CACNA1C: variants seen among roughly 807,000 people sequenced by gnomAD.
CACNA1C encodes the protein calcium voltage-gated channel subunit alpha1 C, also known as voltage-dependent L-type calcium channel subunit alpha-1C.
In CACNA1C, 30 loss-of-function variants were observed where a neutral mutation model predicts 229.0. The ratio of observed to expected loss-of-function variants is 0.13; its 90% confidence interval spans 0.10 to 0.18. The LOEUF (loss-of-function observed/expected upper bound fraction) is 0.18, where lower values mean the gene tolerates loss of function less well. Ranked by LOEUF, CACNA1C falls within the 10% of genes least tolerant of loss-of-function variation. CACNA1C has a pLI of 1.00. For missense variants in CACNA1C, 1,658 were observed against 2,845.0 expected (o/e 0.58, Z 9.49); for synonymous variants, 1,114 against 1,132.5 (o/e 0.98, Z 0.33).
At chr12:2,583,488 C>A (rs1387321505) in intron 15 of CACNA1C, among the ~76,000 whole-genome samples, 7 of 152,234 alleles carry the variant, frequency 4.6e-5, no homozygotes, top group Non-Finnish European at 1.0e-4. Context: ...TTCCAGGGCA[C>A]AAGCCACGGG....
At chr12:2,147,016 A>G (rs369865403) in intron 3 of CACNA1C, among the ~76,000 whole-genome samples, 2 of 150,148 alleles carry the variant, frequency 1.3e-5, no homozygotes, top group Non-Finnish European at 3.0e-5. Context: ...GAGCTCTCCA[A>G]CCCCCCCAAT....
At chr12:2,240,753 C>CTT (rs2069666056) in intron 3 of CACNA1C, among the ~76,000 whole-genome samples, 1 of 152,072 alleles carries the variant, frequency 6.6e-6, no homozygotes, top group Admixed American at 6.5e-5. Flanking sequence ...GGTGGGCACG[C>CTT]GTGGCCTCCT....
At chr12:2,568,663 T>C (rs773861704) in intron 13 of CACNA1C, among the ~76,000 whole-genome samples, 2 of 152,160 alleles carry the variant, frequency 1.3e-5, no homozygotes, top group Non-Finnish European at 2.9e-5. Flanking sequence ...AATAAGCCAG[T>C]CACAGAAAGA....
chr12:2,169,835 C>T (rs1211197567), intron 3 of CACNA1C, among the ~76,000 whole-genome samples: 1 of 152,196 alleles, frequency 6.6e-6, no homozygotes, highest in Non-Finnish European at 1.5e-5. Context: ...TACAGCATTG[C>T]CTCCAGAATT....
intron 3 of CACNA1C, among the ~76,000 whole-genome samples, chr12:2,392,628 G>C (rs73246608): frequency 0.013 from 1,949 of 152,282 alleles, 42 homozygotes; most frequent in African/African-American, 0.042. Flanking sequence ...GTCATGGGGT[G>C]ATTTGGTGTC....
At chr12:2,526,715 G>T (rs549557069) in intron 9 of CACNA1C, among the ~76,000 whole-genome samples, 2 of 152,202 alleles carry the variant, frequency 1.3e-5, no homozygotes, top group Admixed American at 6.5e-5. Flanking sequence ...AATGGTCTCC[G>T]GTGAAGGTAG....
chr12:2,411,024 G>C (rs2098801661), intron 3 of CACNA1C, among the ~76,000 whole-genome samples: 1 of 152,092 alleles, frequency 6.6e-6, no homozygotes, highest in East Asian at 1.9e-4. Context: ...ACTCTCCAGA[G>C]AGGCCAGTTC....
chr12:2,119,965 A>G (rs764097154), intron 2 of CACNA1C, among the ~76,000 whole-genome samples: 1 of 152,266 alleles, frequency 6.6e-6, no homozygotes, highest in Non-Finnish European at 1.5e-5. Flanking sequence ...TAAACTGTGA[A>G]GAAACGGGGT....
At chr12:2,416,898 C>T (rs1326635839) in intron 3 of CACNA1C, among the ~76,000 whole-genome samples, 2 of 152,232 alleles carry the variant, frequency 1.3e-5, no homozygotes, top group Admixed American at 6.5e-5. Flanking sequence ...AGGCCGGATT[C>T]GAACCCAGCT....
At position 2,486,308 on chromosome 12, in the gene CACNA1C, G is replaced by A. The variant is rs371990743; in HGVS notation, c.916+46G>A. 9.8e-5 allele frequency: 152 copies of A among 1,549,684 alleles called. No homozygotes were observed. Among genetic ancestry groups the A allele is most frequent in the Admixed American group, 3.3e-4 (19 of 57,974 alleles). On this transcript the variant is annotated intron_variant, in intron 6 of 46. Transcript: ENST00000399655. The surrounding 1 kb of genome is among the most constrained non-coding windows in gnomAD (Gnocchi z 4.9). The stretch of plus-strand genomic sequence containing the variant: ...CGCTCCCAAGGCCCTGCCCTCTATC[G>A]CTCCCAGCACCTTTCCCGCTGCTGG...
chr12:2,072,915 A>G (rs2061871545), intron 1 of CACNA1C, among the ~76,000 whole-genome samples: 1 of 152,168 alleles, frequency 6.6e-6, no homozygotes, highest in Non-Finnish European at 1.5e-5. Flanking sequence ...AGCATAACCA[A>G]TTTTGACAGC....
chr12:2,425,668 C>G (rs1022637988), intron 3 of CACNA1C, among the ~76,000 whole-genome samples: 1 of 152,162 alleles, frequency 6.6e-6, no homozygotes, highest in East Asian at 1.9e-4. Context: ...TTTAAATGCA[C>G]TTACCTCATT....
At chr12:2,662,892 T>C (rs766451628) in intron 34 of CACNA1C, among the ~76,000 whole-genome samples, 1 of 152,242 alleles carries the variant, frequency 6.6e-6, no homozygotes, top group South Asian at 2.1e-4. Flanking sequence ...TAGGTGAAGA[T>C]GTACTATTCA....
intron 3 of CACNA1C, among the ~76,000 whole-genome samples, chr12:2,406,686 T>C (rs2098741216): frequency 6.6e-6 from 1 of 152,268 alleles, no homozygotes; most frequent in Admixed American, 6.5e-5. Context: ...TCAAGCCTGC[T>C]TGTAATTGCT....
At chr12:2,241,981 C>T (rs554335654) in intron 3 of CACNA1C, among the ~76,000 whole-genome samples, 2 of 152,276 alleles carry the variant, frequency 1.3e-5, no homozygotes, top group South Asian at 4.1e-4. Context: ...TCCCTGCCAT[C>T]GCCATCATCA....
chr12:2,370,479 A>G (rs1238693388), intron 3 of CACNA1C, among the ~76,000 whole-genome samples: 2 of 152,244 alleles, frequency 1.3e-5, no homozygotes, highest in Non-Finnish European at 2.9e-5. Flanking sequence ...TAAATGTGTT[A>G]TAACTCATAT....
intron 1 of CACNA1C, among the ~76,000 whole-genome samples, chr12:2,039,657 G>C (rs182479491): frequency 6.6e-6 from 1 of 152,188 alleles, no homozygotes; most frequent in Non-Finnish European, 1.5e-5. Flanking sequence ...ATAGCGGTAG[G>C]CTCTATGGGA....
intron 3 of CACNA1C, among the ~76,000 whole-genome samples, chr12:2,150,362 TCC>T (rs1475037602): frequency 6.6e-6 from 1 of 152,082 alleles, no homozygotes; most frequent in African/African-American, 2.4e-5. Flanking sequence ...TCACCTCCAT[TCC>T]CCAGTCTCCC....
At chr12:2,385,763 AG>A (rs2098372104) in intron 3 of CACNA1C, among the ~76,000 whole-genome samples, 1 of 152,198 alleles carries the variant, frequency 6.6e-6, no homozygotes. Flanking sequence ...GGCTACAAAT[AG>A]GTGGTTTTCA....
Sources: gnomAD v4.1 joint callset for allele counts (sites outside exome capture counted in the v4.1 genomes callset) on GRCh38, gnomAD v4.1.1 for gene constraint, Gnocchi (gnomAD v3.1) non-coding constraint, MANE v1.5 for transcripts, NCBI Gene and HGNC (gene_info 2026-07-23, HGNC 2026-07-21) for gene names.